Variants in FGD4 observed in about 807,000 individuals in gnomAD.
FGD4 encodes FYVE, RhoGEF and PH domain containing 4.
FGD4 carries 42 observed loss-of-function variants against 102.0 expected under a neutral mutation model. The ratio of observed to expected loss-of-function variants is 0.41; its 90% CI spans 0.32 to 0.53. The LOEUF is 0.53. Among genes scored for constraint, FGD4 ranks in the 20% least tolerant of loss-of-function variants. The pLI, the probability that FGD4 is intolerant of heterozygous loss-of-function variation, is 0.21. For missense variants in FGD4, 902 were observed against 1,078.2 expected (o/e 0.84, Z 2.29); for synonymous variants, 380 against 375.7 (o/e 1.01, Z -0.13).
chr12:32,589,471 G>A (rs117659477), intron 4 of FGD4, among the ~76,000 whole-genome samples: 9 of 152,250 alleles, frequency 5.9e-5, no homozygotes, highest in South Asian at 4.1e-4. Context: ...AACATAAAGC[G>A]TTTATAAATG....
intron 1 of FGD4, among the ~76,000 whole-genome samples, chr12:32,436,492 G>T (rs537847698): frequency 6.6e-6 from 1 of 152,308 alleles, no homozygotes; most frequent in African/African-American, 2.4e-5. Flanking sequence ...CCACACATTG[G>T]CAAGCCTCAG....
chr12:32,620,531 T>C (rs1227199719), intron 11 of FGD4, among the ~76,000 whole-genome samples: 13 of 138,840 alleles, frequency 9.4e-5, no homozygotes, highest in Admixed American at 7.9e-4. Context: ...TTTTTTTTTT[T>C]TTTTTTTTTT....
intron 1 of FGD4, among the ~76,000 whole-genome samples, chr12:32,541,967 A>C (rs1942871603): frequency 6.6e-6 from 1 of 151,888 alleles, no homozygotes; most frequent in African/African-American, 2.4e-5. Flanking sequence ...TCAGGGAAAA[A>C]AAAAAATGTA....
intron 10 of FGD4, 132 bp downstream of exon 10, chr12:32,611,415 A>C (rs1949126682): frequency 9.7e-7 from 1 of 1,025,664 alleles, no homozygotes; most frequent in Admixed American, 2.2e-5. Flanking sequence ...CAGGAGTTTG[A>C]GACCAGTCTA....
chr12:32,469,056 C>T (rs542951617), intron 1 of FGD4, among the ~76,000 whole-genome samples: 2 of 152,140 alleles, frequency 1.3e-5, no homozygotes, highest in Admixed American at 1.3e-4. Context: ...GAACTCCTGA[C>T]CTCAGATGAT....
chr12:32,457,970 CATA>C (rs1565751715), intron 1 of FGD4, among the ~76,000 whole-genome samples: 1 of 151,292 alleles, frequency 6.6e-6, no homozygotes, highest in Non-Finnish European at 1.5e-5. Context: ...AATTAGGTAA[CATA>C]ATTTCCTCAT....
chr12:32,406,563 T>TA lies in FGD4; in HGVS notation c.166+6613dup, dbSNP rs994978471. On this transcript the variant is annotated intron_variant, in intron 1 of 16. Transcript: ENST00000534526. The stretch of plus-strand genomic sequence containing the variant: ...AGCTAGACTCCATCTCAAAAAAATT[T>TA]AAAAAAAAAGAAAAAATTTATGCAT... 4.8e-4 allele frequency among the ~76,000 whole-genome samples: 72 copies of TA among 150,036 alleles called. No homozygotes were observed. In the East Asian group the frequency reaches 0.012, roughly 26 times the overall value.
intron 1 of FGD4, among the ~76,000 whole-genome samples, chr12:32,433,525 C>T (rs942365344): frequency 4.6e-5 from 7 of 151,340 alleles, no homozygotes; most frequent in Non-Finnish European, 5.9e-5. Context: ...TTTGTAGAGA[C>T]GGGGTTTCAC....
chr12:32,528,755 GTAGT>G (rs1478788067), intron 1 of FGD4, among the ~76,000 whole-genome samples: 11 of 152,098 alleles, frequency 7.2e-5, no homozygotes, highest in Non-Finnish European at 1.2e-4. Flanking sequence ...TAAACACTAT[GTAGT>G]TATATTTTTA....
At chr12:32,486,586 T>G (rs953098494) in intron 1 of FGD4, among the ~76,000 whole-genome samples, 3 of 152,206 alleles carry the variant, frequency 2.0e-5, no homozygotes, top group Non-Finnish European at 4.4e-5. Flanking sequence ...TAAAACTTAT[T>G]TGTGCACCTA....
chr12:32,479,548 A>C (rs1261045192), intron 1 of FGD4, among the ~76,000 whole-genome samples: 1 of 149,750 alleles, frequency 6.7e-6, no homozygotes, highest in African/African-American at 2.4e-5. Flanking sequence ...TAGGTACATA[A>C]CTTTCTGATT....
chr12:32,547,584 T>C (rs932937541), intron 1 of FGD4, among the ~76,000 whole-genome samples: 1 of 152,278 alleles, frequency 6.6e-6, no homozygotes, highest in Non-Finnish European at 1.5e-5. Flanking sequence ...CTTTGCACAA[T>C]GTGTGCTTGC....
intron 11 of FGD4, among the ~76,000 whole-genome samples, chr12:32,620,885 A>C (rs1949800583): frequency 6.9e-6 from 1 of 144,158 alleles, no homozygotes; most frequent in African/African-American, 2.6e-5. Context: ...CTGGTCTCGA[A>C]CTCCTGACCT....
At chr12:32,477,883 G>A (rs899399793) in intron 1 of FGD4, among the ~76,000 whole-genome samples, 1 of 152,106 alleles carries the variant, frequency 6.6e-6, no homozygotes, top group Non-Finnish European at 1.5e-5. Context: ...ATTGGTAGGA[G>A]ACGACAAAAC....
intron 1 of FGD4, among the ~76,000 whole-genome samples, chr12:32,450,707 T>A (rs1487674239): frequency 6.6e-6 from 1 of 152,214 alleles, no homozygotes; most frequent in Non-Finnish European, 1.5e-5. Flanking sequence ...AATATATTCA[T>A]ACACACGTAC....
At chr12:32,534,175 T>G in intron 1 of FGD4, 1 of 560,860 alleles carries the variant, frequency 1.8e-6, no homozygotes, top group Non-Finnish European at 2.5e-6. Flanking sequence ...CCTCAGTTGT[T>G]TACTTTACTT....
At chr12:32,592,080 T>A (rs1209653813) in intron 4 of FGD4, among the ~76,000 whole-genome samples, 2 of 151,850 alleles carry the variant, frequency 1.3e-5, no homozygotes, top group African/African-American at 2.4e-5. Context: ...ATTAATATAT[T>A]TATTTATTTA....
At chr12:32,626,073 CAG>C (rs1305916466) in intron 14 of FGD4, among the ~76,000 whole-genome samples, 1 of 152,172 alleles carries the variant, frequency 6.6e-6, no homozygotes, top group East Asian at 1.9e-4. Context: ...GTATTAGTAA[CAG>C]AGGAAGATTT....
intron 1 of FGD4, among the ~76,000 whole-genome samples, chr12:32,448,668 A>G (rs1472792646): frequency 6.6e-6 from 1 of 151,894 alleles, no homozygotes; most frequent in Admixed American, 6.6e-5. Flanking sequence ...CAAAAAAAAA[A>G]AAAAGAAAAA....
Sources: gnomAD v4.1 joint callset for allele counts (sites outside exome capture counted in the v4.1 genomes callset) on GRCh38, gnomAD v4.1.1 for gene constraint, MANE v1.5 for transcripts, NCBI Gene and HGNC (gene_info 2026-07-23, HGNC 2026-07-21) for gene names.